BMPER: variants seen among roughly 807,000 people sequenced by gnomAD.
BMPER encodes BMP-binding endothelial regulator protein.
A neutral mutation model predicts 87.3 loss-of-function variants in BMPER; 45 were observed. The ratio of observed to expected loss-of-function variants is 0.52; its 90% CI spans 0.41 to 0.66. The LOEUF is 0.66. BMPER is among the 30% of genes least tolerant of loss of function. The pLI is 0.00. For missense variants in BMPER, 784 were observed against 867.5 expected (o/e 0.90, Z 1.21); for synonymous variants, 326 against 316.2 (o/e 1.03, Z -0.33).
intron 3 of BMPER, among the ~76,000 whole-genome samples, chr7:33,948,367 A>C (rs1784937023): frequency 2.0e-5 from 3 of 152,194 alleles, no homozygotes. Flanking sequence ...GGTGGTGGTG[A>C]TTACTCTTCT....
At chr7:34,128,505 A>C (rs942000623) in intron 13 of BMPER, among the ~76,000 whole-genome samples, 1 of 152,208 alleles carries the variant, frequency 6.6e-6, no homozygotes, top group Non-Finnish European at 1.5e-5. Flanking sequence ...AAGGAAAATA[A>C]TGTTTGCGCT....
At chr7:34,087,580 T>C (rs1789250535) in intron 13 of BMPER, among the ~76,000 whole-genome samples, 1 of 152,208 alleles carries the variant, frequency 6.6e-6, no homozygotes, top group African/African-American at 2.4e-5. Context: ...TTCAGTAAGA[T>C]TATGAACATG....
chr7:33,968,414 C>G (rs1227879585), intron 4 of BMPER, among the ~76,000 whole-genome samples: 1 of 152,194 alleles, frequency 6.6e-6, no homozygotes, highest in African/African-American at 2.4e-5. Context: ...TGGCACCTGT[C>G]AGGGAAGTCT....
chr7:33,947,492 T>C (rs1362305919), intron 3 of BMPER, among the ~76,000 whole-genome samples: 1 of 152,248 alleles, frequency 6.6e-6, no homozygotes, highest in African/African-American at 2.4e-5. Context: ...TGTTTTTCTA[T>C]GGGTTATGAT....
intron 4 of BMPER, among the ~76,000 whole-genome samples, chr7:33,970,089 G>T (rs1477746145): frequency 6.6e-6 from 1 of 152,168 alleles, no homozygotes; most frequent in Non-Finnish European, 1.5e-5. Flanking sequence ...AAGAAATTAG[G>T]GCCAAAGAGA....
intron 13 of BMPER, among the ~76,000 whole-genome samples, chr7:34,092,137 A>G (rs1789402231): frequency 6.6e-6 from 1 of 152,142 alleles, no homozygotes; most frequent in Non-Finnish European, 1.5e-5. Flanking sequence ...TTACAGTCAA[A>G]GTGTGCACAC....
intron 3 of BMPER, among the ~76,000 whole-genome samples, chr7:33,957,603 T>A (rs1389533952): frequency 1.3e-5 from 2 of 152,112 alleles, no homozygotes; most frequent in African/African-American, 4.8e-5. Flanking sequence ...AATAAGTGTA[T>A]GTAAAACTGG....
intron 2 of BMPER, among the ~76,000 whole-genome samples, chr7:33,908,374 T>C (rs888639639): frequency 1.3e-5 from 2 of 152,234 alleles, no homozygotes; most frequent in South Asian, 2.1e-4. Flanking sequence ...TTAGTACTTA[T>C]CAAGCTTACG....
chr7:34,075,192 T>C (rs1365643167), intron 11 of BMPER, among the ~76,000 whole-genome samples: 1 of 152,210 alleles, frequency 6.6e-6, no homozygotes. Flanking sequence ...AGAGGCAGTG[T>C]CACTCTTATT....
intron 13 of BMPER, among the ~76,000 whole-genome samples, chr7:34,140,248 G>A (rs1790829274): frequency 6.6e-6 from 1 of 152,232 alleles, no homozygotes; most frequent in Non-Finnish European, 1.5e-5. Flanking sequence ...AACACTCTGT[G>A]TAAAAGCTGG....
chr7:33,960,600 T>G (rs931972514), intron 3 of BMPER, among the ~76,000 whole-genome samples: 1 of 152,208 alleles, frequency 6.6e-6, no homozygotes, highest in Non-Finnish European at 1.5e-5. Flanking sequence ...GTTTGTGTGC[T>G]TATTAAAAAA....
chr7:34,129,602 GAGAGAGAA>G (rs1457713922), intron 13 of BMPER, among the ~76,000 whole-genome samples: 5 of 93,090 alleles, frequency 5.4e-5, no homozygotes, highest in African/African-American at 8.5e-5. Context: ...GAGAGAGAGA[GAGAGAGAA>G]AGAGAGAGAG....
chr7:33,915,839 T>A (rs1256720841), intron 2 of BMPER, among the ~76,000 whole-genome samples: 1 of 152,254 alleles, frequency 6.6e-6, no homozygotes, highest in Non-Finnish European at 1.5e-5. Context: ...ATATATTCTT[T>A]GGGAATGATA....
chr7:34,077,138 TTTTCATGGCCAGGGAGAGATTCCA>T (rs1338282720), intron 11 of BMPER, among the ~76,000 whole-genome samples: 2 of 152,072 alleles, frequency 1.3e-5, no homozygotes, highest in Non-Finnish European at 1.5e-5. Flanking sequence ...AAAAGCAACA[TTTTCATGGCCAGGGAGAGATTCCA>T]TTTCATGGCC....
chr7:34,099,121 G>T (rs1789610310), intron 13 of BMPER, among the ~76,000 whole-genome samples: 1 of 152,180 alleles, frequency 6.6e-6, no homozygotes, highest in Non-Finnish European at 1.5e-5. Flanking sequence ...TATGTGCCTG[G>T]CAGCAGCTAA....
chr7:34,145,680 C>G (rs1241493342), intron 14 of BMPER, among the ~76,000 whole-genome samples: 1 of 152,190 alleles, frequency 6.6e-6, no homozygotes, highest in Non-Finnish European at 1.5e-5. Flanking sequence ...AGCCAACCAT[C>G]CTGGTATAAT....
intron 8 of BMPER, among the ~76,000 whole-genome samples, chr7:34,053,032 G>A (rs1788186882): frequency 6.6e-6 from 1 of 152,036 alleles, no homozygotes; most frequent in African/African-American, 2.4e-5. Context: ...CTTCCTCTTG[G>A]GGATACTGAG....
At chr7:34,029,109 T>A (rs1787458783) in intron 6 of BMPER, among the ~76,000 whole-genome samples, 2 of 152,016 alleles carry the variant, frequency 1.3e-5, no homozygotes, top group African/African-American at 4.8e-5. Context: ...TTGCAGTCTG[T>A]CAACAAAAAC....
At chr7:34,108,239 G>A (rs1241371879) in intron 13 of BMPER, among the ~76,000 whole-genome samples, 8 of 152,180 alleles carry the variant, frequency 5.3e-5, no homozygotes, top group Admixed American at 5.2e-4. Context: ...TGGCAGATTA[G>A]ACCTACATGG....
Sources: gnomAD v4.1 joint callset for allele counts (sites outside exome capture counted in the v4.1 genomes callset) on GRCh38, gnomAD v4.1.1 for gene constraint, MANE v1.5 for transcripts, NCBI Gene and HGNC (gene_info 2026-07-23, HGNC 2026-07-21) for gene names.